EOMES: variants seen among roughly 807,000 people sequenced by gnomAD.
EOMES encodes the protein eomesodermin.
In EOMES, 18 loss-of-function variants were observed where a neutral mutation model predicts 61.0. That is an observed-to-expected ratio of 0.30 (90% CI 0.20 to 0.44). The LOEUF (loss-of-function observed/expected upper bound fraction) is 0.44, where lower values mean the gene tolerates loss of function less well. Among genes scored for constraint, EOMES ranks in the 20% least tolerant of loss-of-function variants. The pLI, the probability that EOMES is intolerant of heterozygous loss-of-function variation, is 1.00. For missense variants in EOMES, 885 were observed against 939.2 expected (o/e 0.94, Z 0.75); for synonymous variants, 430 against 394.0 (o/e 1.09, Z -1.08).
Position 27,717,740 on chromosome 3 carries a change from A to G in EOMES, c.1448T>C (p.Ile483Thr), listed in dbSNP as rs753122342. Residue 483 changes from isoleucine to threonine, a missense_variant, in exon 6 of 6, where the codon ATT becomes ACT. Ile to Thr is a moderately conservative substitution (Grantham distance 89, BLOSUM62 -1). This residue lies in a region of EOMES where 259 missense variants were observed against 282.3 expected (regional missense o/e 0.92). Transcript: ENST00000449599. The surrounding 1 kb of genome is among the most constrained non-coding windows in gnomAD (Gnocchi z 4.5). Reference sequence around the variant, plus strand: ...AACGCCGTACCGACCTCCAGGGACAATCTGATGGGATCTAGGAGAATCCGT... The same window carrying G: ...AACGCCGTACCGACCTCCAGGGACAGTCTGATGGGATCTAGGAGAATCCGT... ...SPTDSPRSHQ[I>T]VPGGRYGVQS... 89 of 1,613,598 alleles carry G rather than the reference A, an allele frequency of 5.5e-5. No homozygotes were observed. The highest frequency in any genetic ancestry group is 1.6e-4 in the Middle Eastern group (1 of 6,082).
rs187165856 is a variant in EOMES, at chr3:27,716,091, G to C, written c.*979C>G. On this transcript the variant is annotated 3_prime_UTR_variant, in exon 6 of 6. Transcript: ENST00000449599. ...AAGTTAGGGAGAGGGGATGGCGCAA[G>C]AAGAGGATGAAATAGGAGTTTTCCT... is the stretch of plus-strand genomic sequence containing the variant. The C allele has an allele frequency of 6.6e-6, 1 of 152,346 alleles. No homozygotes were observed. The highest frequency in any genetic ancestry group is 6.5e-5 in the Admixed American group (1 of 15,310). The allele number at this position is 152,346 out of a possible 1,614,324, so 9.4% of individuals were successfully genotyped here.
In EOMES at chr3:27,717,215, G is replaced by A; in HGVS notation, c.1973C>T (p.Ala658Val). Residue 658 changes from alanine to valine, a missense_variant, in exon 6 of 6, where the codon GCT becomes GTT. By Grantham distance (64) the Ala-to-Val change is moderately conservative. Around this residue, in one of 3 missense-constraint regions of EOMES, gnomAD observed 259 missense variants for 282.3 expected, o/e 0.92. Coordinates refer to ENST00000449599, the MANE Select transcript of EOMES (RefSeq NM_001278182.2). The surrounding 1 kb of genome is among the most constrained non-coding windows in gnomAD (Gnocchi z 4.5). Reference protein sequence around the residue: ...DSNDSGVYTSACKRRRLSPSN... With the variant: ...DSNDSGVYTSVCKRRRLSPSN... The stretch of plus-strand genomic sequence containing the variant: ...AGGAGACAGCCGCCTTCGCTTACAA[G>A]CACTGGTGTATACTCCTGAATCATT... The A allele has an allele frequency of 6.2e-7, 1 of 1,613,270 alleles. No homozygotes were observed. The highest frequency in any genetic ancestry group is 1.3e-5 in the African/African-American group (1 of 75,036).
chr3:27,721,068 G>A lies in EOMES; in HGVS notation c.881+346C>T, dbSNP rs1487599239. On this transcript the variant is annotated intron_variant, in intron 1 of 5. Coordinates refer to ENST00000449599, the MANE Select transcript of EOMES (RefSeq NM_001278182.2). This position sits in a 1 kb window ranked among gnomAD's most constrained non-coding sequence, Gnocchi z 7.4. ...CCTATCCGTGGCTCCTTGCCGGCAT[G>A]CAGGCATGCACAAGCATACCGCCGA... 6.6e-6 allele frequency among the ~76,000 whole-genome samples: 1 copy of A among 152,210 alleles called. No homozygotes were observed. The highest frequency in any genetic ancestry group is 1.5e-5 in the Non-Finnish European group (1 of 68,028).
intron 2 of EOMES, 105 bp downstream of exon 2, chr3:27,720,066 G>A: frequency 1.8e-6 from 2 of 1,138,490 alleles, no homozygotes; most frequent in Non-Finnish European, 2.5e-6. Flanking sequence ...CCTCAGAATG[G>A]AAGGGGAAAA....
intron 2 of EOMES, 63 bp from the exon 3 acceptor site, chr3:27,719,544 G>A: frequency 8.3e-6 from 12 of 1,445,614 alleles, no homozygotes; most frequent in Non-Finnish European, 1.2e-5. Context: ...AATGGAGAAA[G>A]CGGAGGGATG....
chr3:27,722,133 C>G lies in EOMES; in HGVS notation c.162G>C (p.Lys54Asn). The change falls in exon 1 of 6, where the codon AAG becomes AAC. Residue 54 changes from lysine (K) to asparagine (N), a missense_variant. Lys to Asn is a moderately conservative substitution (Grantham distance 94). Coordinates refer to ENST00000449599, the MANE Select transcript of EOMES (RefSeq NM_001278182.2). Reference sequence around the variant, plus strand: ...CCTCGCAGGAGAGACTGCCGGAAAACTTCTTGGACGCTTTGTCTAAGTCCA... The same window carrying G: ...CCTCGCAGGAGAGACTGCCGGAAAAGTTCTTGGACGCTTTGTCTAAGTCCA... ...QKLDLDKASKKFSGSLSCEAV... is the reference protein window; with the variant it reads ...QKLDLDKASKNFSGSLSCEAV... 6.4e-7 allele frequency: 1 copy of G among 1,558,274 alleles called. No individual in the cohort carries two copies. The highest frequency in any genetic ancestry group is 8.7e-7 in the Non-Finnish European group (1 of 1,151,394).
rs1355295331 is a variant in EOMES, at chr3:27,722,151, T to G, written c.144A>C (p.Leu48Phe). Reference sequence around the variant, plus strand: ...CGGAAAACTTCTTGGACGCTTTGTCTAAGTCCAACTTCTGAGGAGAGGGGG... The same window carrying G: ...CGGAAAACTTCTTGGACGCTTTGTCGAAGTCCAACTTCTGAGGAGAGGGGG... ...SAAPSPQKLDLDKASKKFSGS... is the reference protein window; with the variant it reads ...SAAPSPQKLDFDKASKKFSGS... Residue 48 changes from leucine to phenylalanine, a missense_variant, in exon 1 of 6, where the codon TTA becomes TTC. Coordinates refer to ENST00000449599, the MANE Select transcript of EOMES (RefSeq NM_001278182.2). 21 of 1,572,154 alleles carry G rather than the reference T, an allele frequency of 1.3e-5. No homozygotes were observed. Among genetic ancestry groups the G allele is most frequent in the Admixed American group, 1.9e-5 (1 of 52,710 alleles).
Position 27,721,699 on chromosome 3 carries a change from G to A in EOMES, c.596C>T (p.Ala199Val). ...CTGCGCCCTCCCGGGTGGGCACACA[G>A]CCGCGGGGAAGCCGCCGGGGGGCAG... Reference protein sequence around the residue: ...SMLPPGGFPAAVCPPGRAQFG... With the variant: ...SMLPPGGFPAVVCPPGRAQFG... The change falls in exon 1 of 6, where the codon GCT (alanine) becomes GTT (valine). Residue 199 changes from alanine to valine, a missense_variant. Around this residue, in one of 3 missense-constraint regions of EOMES, gnomAD observed 449 missense variants for 383.6 expected, o/e 1.17. Transcript: ENST00000449599. This position sits in a 1 kb window ranked among gnomAD's most constrained non-coding sequence, Gnocchi z 7.4. The A allele has an allele frequency of 6.7e-7, 1 of 1,494,096 alleles. No individual in the cohort carries two copies. The highest frequency in any genetic ancestry group is 8.8e-7 in the Non-Finnish European group (1 of 1,131,684). The allele number at this position is 1,494,096 out of a possible 1,614,324, so 92.6% of individuals were successfully genotyped here. A position where few individuals can be genotyped will look rare whatever the true frequency, so the allele number is the denominator to read the frequency against.
At position 27,718,903 on chromosome 3, in the gene EOMES, G is replaced by A; in HGVS notation, c.1159-10C>T. The A allele has an allele frequency of 6.3e-7, 1 of 1,586,924 alleles. No individual in the cohort carries two copies. Among genetic ancestry groups the A allele is most frequent in the South Asian group, 1.1e-5 (1 of 87,152 alleles). ...ATTGTAAGACTATCATCTGGAAAGAGTACAGAAAAAAATTGCTAAATCTAA... is the reference window on the plus strand; with the variant it reads ...ATTGTAAGACTATCATCTGGAAAGAATACAGAAAAAAATTGCTAAATCTAA... On this transcript the variant is annotated splice_polypyrimidine_tract_variant and intron_variant, in intron 3 of 5. Coordinates refer to ENST00000449599, the MANE Select transcript of EOMES (RefSeq NM_001278182.2).
rs557287944 is a variant in EOMES at position 27,721,512 on chromosome 3, T to C, written c.783A>G (p.Pro261=). The change falls in exon 1 of 6, where the codon CCA becomes CCG. Residue 261 remains proline, a synonymous_variant. Transcript: ENST00000449599. The surrounding 1 kb of genome is among the most constrained non-coding windows in gnomAD (Gnocchi z 7.4). ...AGACGTGGGCACGGAAGCCAGAACC[T>C]GGAACCCCCAGGCCCCCCAGTCCTC... ...SCGGLGGLGV[P]GSGFRAHVYL... 1.9e-6 allele frequency: 3 copies of C among 1,612,678 alleles called. No individual in the cohort carries two copies. The highest frequency in any genetic ancestry group is 2.2e-5 in the East Asian group (1 of 44,784).
chr3:27,722,241 G>A lies in EOMES; in HGVS notation c.54C>T (p.His18=). The part of the protein sequence containing the change: ...LVSSVNLPGA[H]FYPLESARGG... ...CTCGCGCACTCTCCAGCGGGTAGAAGTGCGCGCCAGGCAGGTTCACTGAGC... is the reference window on the plus strand; with the variant it reads ...CTCGCGCACTCTCCAGCGGGTAGAAATGCGCGCCAGGCAGGTTCACTGAGC... The change falls in exon 1 of 6, where the codon CAC becomes CAT. Residue 18 remains histidine (H), a synonymous_variant. Coordinates refer to ENST00000449599, the MANE Select transcript of EOMES (RefSeq NM_001278182.2). 1 of 1,605,460 alleles carries A rather than the reference G, an allele frequency of 6.2e-7. No homozygotes were observed. The highest frequency in any genetic ancestry group is 8.5e-7 in the Non-Finnish European group (1 of 1,176,832).
chr3:27,717,750 A>T lies in EOMES; in HGVS notation c.1438T>A (p.Ser480Thr), dbSNP rs764490386. 1 of 1,613,066 alleles carries T rather than the reference A, an allele frequency of 6.2e-7. No homozygotes were observed. The highest frequency in any genetic ancestry group is 8.5e-7 in the Non-Finnish European group (1 of 1,179,430). ...LTPSPTDSPRSHQIVPGGRYG... is the reference protein window; with the variant it reads ...LTPSPTDSPRTHQIVPGGRYG... ...CGACCTCCAGGGACAATCTGATGGG[A>T]TCTAGGAGAATCCGTGGGAGATGGA... Residue 480 changes from serine to threonine, a missense_variant, in exon 6 of 6, where the codon TCC (serine) becomes ACC (threonine). Physicochemically the swap from Ser to Thr is moderately conservative, Grantham distance 58. Transcript: ENST00000449599. This position sits in a 1 kb window ranked among gnomAD's most constrained non-coding sequence, Gnocchi z 4.5.
At chr3:27,720,444 C>G (rs1172304269) in intron 1 of EOMES, 119 bp from the exon 2 acceptor site, 26 of 670,250 alleles carry the variant, frequency 3.9e-5, no homozygotes, top group Non-Finnish European at 6.5e-5. Context: ...TAAAAGTTTG[C>G]AGTGAACAGA....
At chr3:27,722,504 G>C, upstream of EOMES, 1 of 1,351,020 alleles carries the variant, frequency 7.4e-7, no homozygotes, top group South Asian at 1.9e-5. Flanking sequence ...GGAAAGCGCC[G>C]TGAGTTGGAA....
intron 5 of EOMES, 89 bp downstream of exon 5, chr3:27,718,498 C>A: frequency 1.1e-6 from 1 of 893,116 alleles, no homozygotes; most frequent in Non-Finnish European, 1.7e-6. Flanking sequence ...GGTAAAAGCT[C>A]TTCCTAAAAT....
intron 3 of EOMES, among the ~76,000 whole-genome samples, chr3:27,719,143 C>T (rs1456511867): frequency 1.3e-5 from 2 of 150,990 alleles, no homozygotes; most frequent in Non-Finnish European, 2.9e-5. Context: ...CAAAATACTT[C>T]GCTATTTCTG....
rs970968840 is a variant in EOMES at position 27,721,003 on chromosome 3, G to A, written c.881+411C>T. On this transcript the variant is annotated intron_variant, in intron 1 of 5. Coordinates refer to ENST00000449599, the MANE Select transcript of EOMES (RefSeq NM_001278182.2). This position sits in a 1 kb window ranked among gnomAD's most constrained non-coding sequence, Gnocchi z 7.4. ...GACCCTGGCGCCTAAAACTGCGGGA[G>A]CCCATCTACTGCGCTCAGGTGGCCA... Among the ~76,000 whole-genome samples, 3 of 152,212 alleles carry A rather than the reference G, an allele frequency of 2.0e-5. No individual in the cohort carries two copies. The highest frequency in any genetic ancestry group is 1.3e-4 in the Admixed American group (2 of 15,292).
Position 27,722,065 on chromosome 3 carries a change from G to T in EOMES, c.230C>A (p.Ala77Glu). 1 of 1,545,462 alleles carries T rather than the reference G, an allele frequency of 6.5e-7. No individual in the cohort carries two copies. Among genetic ancestry groups the T allele is most frequent in the Non-Finnish European group, 8.7e-7 (1 of 1,145,080 alleles). ...GGCGTCGGTGTCACTAAGCATGGCC[G>T]CGGGGGCCCCTGCGCTGGCGGCTGC... The part of the protein sequence containing the change: ...EPAAASAGAP[A>E]AMLSDTDAGD... The change falls in exon 1 of 6, where the codon GCG (alanine) becomes GAG (glutamate). Residue 77 changes from alanine (A) to glutamate (E), a missense_variant. Physicochemically the swap from Ala to Glu is moderately radical, Grantham distance 107. Around this residue, in one of 3 missense-constraint regions of EOMES, gnomAD observed 449 missense variants for 383.6 expected, o/e 1.17. Coordinates refer to ENST00000449599, the MANE Select transcript of EOMES (RefSeq NM_001278182.2).
At position 27,717,878 on chromosome 3, in the gene EOMES, C is replaced by T; in HGVS notation, c.1380-70G>A. On this transcript the variant is annotated intron_variant, in intron 5 of 5. Coordinates refer to ENST00000449599, the MANE Select transcript of EOMES (RefSeq NM_001278182.2). This position sits in a 1 kb window ranked among gnomAD's most constrained non-coding sequence, Gnocchi z 4.5. Reference sequence around the variant, plus strand: ...TGTTGTCCCCAAACAAACCACCTCCCAGAAATGAAAAAGGCTTGTGTTGGT... The same window carrying T: ...TGTTGTCCCCAAACAAACCACCTCCTAGAAATGAAAAAGGCTTGTGTTGGT... The T allele has an allele frequency of 8.4e-7, 1 of 1,185,106 alleles. No individual in the cohort carries two copies. The highest frequency in any genetic ancestry group is 1.2e-6 in the Non-Finnish European group (1 of 869,230). The allele number at this position is 1,185,106 out of a possible 1,614,324, so 73.4% of individuals were successfully genotyped here. A position where few individuals can be genotyped will look rare whatever the true frequency, so the allele number is the denominator to read the frequency against.
Sources: gnomAD v4.1 joint callset for allele counts (sites outside exome capture counted in the v4.1 genomes callset) on GRCh38, gnomAD v4.1.1 for gene constraint, gnomAD v4.1.1 regional missense constraint, Gnocchi (gnomAD v3.1) non-coding constraint, MANE v1.5 for transcripts, NCBI Gene and HGNC (gene_info 2026-07-23, HGNC 2026-07-21) for gene names.